Variants in CSNK1D observed in about 807,000 individuals in gnomAD.
CSNK1D encodes casein kinase 1 delta.
Under a neutral mutation model 46.6 loss-of-function variants are expected in CSNK1D, and 16 were observed. The observed-to-expected ratio is 0.34, with a 90% confidence interval of 0.23 to 0.52. CSNK1D has a LOEUF of 0.52. Ranked by LOEUF, CSNK1D falls within the 20% of genes least tolerant of loss-of-function variation. The pLI is 0.95. For missense variants in CSNK1D, 398 were observed against 578.4 expected (o/e 0.69, Z 3.20); for synonymous variants, 276 against 228.2 (o/e 1.21, Z -1.89).
chr17:82,255,765 A>G lies in CSNK1D; in HGVS notation c.188-188T>C, dbSNP rs1307748243. ...CGAGATTAGGCCCCATCTATTAGCAAATGGCCTGAGGCAGACGTTGGATGA... is the reference window on the plus strand; with the variant it reads ...CGAGATTAGGCCCCATCTATTAGCAGATGGCCTGAGGCAGACGTTGGATGA... On this transcript the variant is annotated intron_variant, in intron 2 of 8. Coordinates refer to ENST00000314028, the MANE Select transcript of CSNK1D (RefSeq NM_001893.6). This position sits in a 1 kb window ranked among gnomAD's most constrained non-coding sequence, Gnocchi z 5.9. 1.3e-5 allele frequency among the ~76,000 whole-genome samples: 2 copies of G among 152,230 alleles called. No individual in the cohort carries two copies. The highest frequency in any genetic ancestry group is 2.9e-5 in the Non-Finnish European group (2 of 68,036).
At chr17:82,260,700 G>A (rs889764396) in intron 2 of CSNK1D, among the ~76,000 whole-genome samples, 4 of 148,682 alleles carry the variant, frequency 2.7e-5, no homozygotes, top group Admixed American at 1.3e-4. Context: ...ATGGTGTACT[G>A]ACTGATGTGA....
chr17:82,250,270 TG>T lies in CSNK1D; in HGVS notation c.886-669del. 8.4e-7 allele frequency: 1 copy of T among 1,184,520 alleles called. No individual in the cohort carries two copies. Among genetic ancestry groups the T allele is most frequent in the Non-Finnish European group, 1.1e-6 (1 of 893,796 alleles). 73.4% of individuals were successfully genotyped at this position (1,184,520 alleles called of 1,614,324 possible). A position where few individuals can be genotyped will look rare whatever the true frequency, so the allele number is the denominator to read the frequency against. On this transcript the variant is annotated intron_variant, in intron 6 of 8. Coordinates refer to ENST00000314028, the MANE Select transcript of CSNK1D (RefSeq NM_001893.6). The surrounding 1 kb of genome is among the most constrained non-coding windows in gnomAD (Gnocchi z 4.6). ...GCCAAACCCAGGTGCCACTTCTTCCTGCAAGTACAGCTCATTGGACACAGCC... is the reference window on the plus strand; with the variant it reads ...GCCAAACCCAGGTGCCACTTCTTCCTCAAGTACAGCTCATTGGACACAGCC...
chr17:82,270,295 C>T (rs979871666), intron 1 of CSNK1D, among the ~76,000 whole-genome samples: 1 of 152,200 alleles, frequency 6.6e-6, no homozygotes, highest in African/African-American at 2.4e-5. Context: ...GGCAGGCCCA[C>T]ACCACGCTTC....
Position 82,249,933 on chromosome 17 carries a change from G to C in CSNK1D, c.886-331C>G. The C allele has an allele frequency of 1.6e-6, 2 of 1,289,510 alleles. No individual in the cohort carries two copies. The highest frequency in any genetic ancestry group is 2.0e-6 in the Non-Finnish European group (2 of 1,006,396). The allele number at this position is 1,289,510 out of a possible 1,614,324, so 79.9% of individuals were successfully genotyped here. Reference sequence around the variant, plus strand: ...GTGAACATGCTCACTAACACGTGCAGAAAGAGGAGAGGGACAGGAACCATC... The same window carrying C: ...GTGAACATGCTCACTAACACGTGCACAAAGAGGAGAGGGACAGGAACCATC... On this transcript the variant is annotated intron_variant, in intron 6 of 8. Coordinates refer to ENST00000314028, the MANE Select transcript of CSNK1D (RefSeq NM_001893.6). The surrounding 1 kb of genome is among the most constrained non-coding windows in gnomAD (Gnocchi z 6.7).
At chr17:82,246,882 A>G (rs1486906495) in intron 8 of CSNK1D, 1 of 985,906 alleles carries the variant, frequency 1.0e-6, no homozygotes, top group Non-Finnish European at 1.2e-6. Context: ...AGCTCACCCG[A>G]GCAAACAGGT....
At chr17:82,240,654 C>T (rs2050730183), downstream of CSNK1D, among the ~76,000 whole-genome samples, 1 of 152,226 alleles carries the variant, frequency 6.6e-6, no homozygotes, top group Non-Finnish European at 1.5e-5. Flanking sequence ...CTGGTCCCCA[C>T]ACCCACAGCA....
At chr17:82,253,544 T>C (rs2051069629) in intron 3 of CSNK1D, 1 of 416,658 alleles carries the variant, frequency 2.4e-6, no homozygotes, top group African/African-American at 2.0e-5. Flanking sequence ...CTCCCAGCAC[T>C]GTTCTCTGCA....
chr17:82,261,496 T>G (rs1261051894), intron 2 of CSNK1D, among the ~76,000 whole-genome samples: 1 of 152,228 alleles, frequency 6.6e-6, no homozygotes. Flanking sequence ...ATGTGGGGAC[T>G]GAGCATTAAT....
At chr17:82,241,119 G>C (rs1370758138), downstream of CSNK1D, among the ~76,000 whole-genome samples, 2 of 152,166 alleles carry the variant, frequency 1.3e-5, no homozygotes, top group South Asian at 2.1e-4. Flanking sequence ...ACTGCTACTT[G>C]GGGTGGGGGT....
At chr17:82,246,397 A>C (rs1599575688) in intron 8 of CSNK1D, 1 of 1,233,988 alleles carries the variant, frequency 8.1e-7, no homozygotes, top group African/African-American at 1.5e-5. Context: ...GGAGACGCAC[A>C]TCCTCGCCGG....
At chr17:82,257,823 C>A (rs996076993) in intron 2 of CSNK1D, among the ~76,000 whole-genome samples, 14 of 152,212 alleles carry the variant, frequency 9.2e-5, no homozygotes, top group African/African-American at 3.4e-4. Context: ...GGAAAACAAA[C>A]CTGGAGTAAG....
At chr17:82,246,969 G>A (rs2050866599) in intron 8 of CSNK1D, 16 of 985,352 alleles carry the variant, frequency 1.6e-5, no homozygotes, top group Non-Finnish European at 1.8e-5. Flanking sequence ...CAGCCACCAC[G>A]TGTGCTGGTG....
chr17:82,246,571 C>G (rs1027886543), intron 8 of CSNK1D: 2 of 1,029,696 alleles, frequency 1.9e-6, no homozygotes, highest in East Asian at 1.7e-4. Flanking sequence ...GAGCCCTGGC[C>G]GAACACCAAC....
chr17:82,244,094 GGTGA>G lies in CSNK1D; in HGVS notation c.*683_*686del. ...GCATGTCAATTACGGGAGGAGGGAGGGTGAGACGCCAAAATCAGGTTGAAGAGGT... is the reference window on the plus strand; with the variant it reads ...GCATGTCAATTACGGGAGGAGGGAGGGACGCCAAAATCAGGTTGAAGAGGT... On this transcript the variant is annotated 3_prime_UTR_variant, in exon 9 of 9. Transcript: ENST00000314028. 1.0e-6 allele frequency: 1 copy of G among 990,266 alleles called. No individual in the cohort carries two copies. Among genetic ancestry groups the G allele is most frequent in the South Asian group, 4.5e-5 (1 of 22,128 alleles). 61.3% of individuals were successfully genotyped at this position (990,266 alleles called of 1,614,324 possible).
chr17:82,243,893 TC>T lies in CSNK1D; in HGVS notation c.*887del. Reference sequence around the variant, plus strand: ...CATCTTCCACCTTGAATCCTGGGACTCCCAATTGTCCTGCTAGGGTCTCAAA... The same window carrying T: ...CATCTTCCACCTTGAATCCTGGGACTCCAATTGTCCTGCTAGGGTCTCAAA... On this transcript the variant is annotated 3_prime_UTR_variant, in exon 9 of 9. Transcript: ENST00000314028. 1.0e-6 allele frequency: 1 copy of T among 985,602 alleles called. No individual in the cohort carries two copies. The highest frequency in any genetic ancestry group is 5.2e-4 in the Middle Eastern group (1 of 1,914). 61.1% of individuals were successfully genotyped at this position (985,602 alleles called of 1,614,324 possible).
intron 1 of CSNK1D, chr17:82,272,420 T>C (rs2051651312): frequency 6.6e-6 from 1 of 152,276 alleles, no homozygotes; most frequent in Non-Finnish European, 1.5e-5. Flanking sequence ...TGCATATTTT[T>C]CCATTGTAAA....
In CSNK1D at chr17:82,248,821, G is replaced by T; in HGVS notation, c.1197+54C>A. 1 of 1,581,724 alleles carries T rather than the reference G, an allele frequency of 6.3e-7. No homozygotes were observed. On this transcript the variant is annotated intron_variant, in intron 8 of 8. Transcript: ENST00000314028. The surrounding 1 kb of genome is among the most constrained non-coding windows in gnomAD (Gnocchi z 4.1). ...CCTGGAGAAACCACAGCCCGCTCTT[G>T]ACTCGGACGGGGTAGCCCGAGGCCC...
At chr17:82,246,071 CG>C (rs1568553153) in intron 8 of CSNK1D, 1 of 1,593,652 alleles carries the variant, frequency 6.3e-7, no homozygotes, top group Non-Finnish European at 8.5e-7. Context: ...TGTTGGTAAG[CG>C]TCCCGCTGGC....
intron 1 of CSNK1D, chr17:82,267,025 A>T (rs575209863): frequency 7.1e-6 from 1 of 141,664 alleles, no homozygotes; most frequent in East Asian, 2.1e-4. Flanking sequence ...GCGCCACTGC[A>T]CTCCAGCCTG....
Sources: allele counts gnomAD v4.1 joint callset (sites outside exome capture counted in the v4.1 genomes callset), GRCh38; gene constraint gnomAD v4.1.1; non-coding constraint Gnocchi (gnomAD v3.1); transcripts MANE v1.5; gene names NCBI Gene and HGNC (gene_info 2026-07-23, HGNC 2026-07-21).